The following TTLL7 variants were observed in gnomAD, a reference collection of about 807,000 sequenced individuals.
TTLL7 encodes the protein tubulin tyrosine ligase like 7.
A neutral mutation model predicts 120.2 loss-of-function variants in TTLL7; 53 were observed. The ratio of observed to expected loss-of-function variants is 0.44; its 90% confidence interval spans 0.35 to 0.55. The LOEUF is 0.55. Among genes scored for constraint, TTLL7 ranks in the 20% least tolerant of loss-of-function variants. The pLI is 0.00. For synonymous variants in TTLL7, 353 were observed against 351.7 expected (o/e 1.00, Z -0.04); for missense variants, 803 against 1,054.7 (o/e 0.76, Z 3.31).
At chr1:83,959,924 C>A (rs1240289843) in intron 1 of TTLL7, among the ~76,000 whole-genome samples, 1 of 151,930 alleles carries the variant, frequency 6.6e-6, no homozygotes, top group African/African-American at 2.4e-5. Context: ...TAATATATTT[C>A]TTATAAATTA....
At chr1:83,996,302 G>A (rs1023901269) in intron 1 of TTLL7, among the ~76,000 whole-genome samples, 5 of 152,174 alleles carry the variant, frequency 3.3e-5, no homozygotes, top group African/African-American at 9.7e-5. Flanking sequence ...TTTCCTGGAA[G>A]GGGACTCGGG....
chr1:83,939,383 CT>C (rs1647718202), intron 7 of TTLL7, among the ~76,000 whole-genome samples: 1 of 152,062 alleles, frequency 6.6e-6, no homozygotes, highest in South Asian at 2.1e-4. Flanking sequence ...ATTAATAACA[CT>C]AATAAAAACA....
intron 1 of TTLL7, among the ~76,000 whole-genome samples, chr1:83,986,647 C>A (rs1000150735): frequency 1.3e-5 from 2 of 152,148 alleles, no homozygotes; most frequent in Non-Finnish European, 1.5e-5. Context: ...GAGTTCGAGA[C>A]CAGCCTGACC....
intron 7 of TTLL7, among the ~76,000 whole-genome samples, chr1:83,941,018 C>G (rs930022210): frequency 1.3e-5 from 2 of 152,194 alleles, no homozygotes; most frequent in African/African-American, 4.8e-5. Context: ...TTTAGCCAAA[C>G]TGACCTTGTC....
At chr1:83,991,931 A>T (rs1653040416) in intron 1 of TTLL7, among the ~76,000 whole-genome samples, 4 of 152,130 alleles carry the variant, frequency 2.6e-5, no homozygotes, top group Admixed American at 1.3e-4. Context: ...TCTAAAAACA[A>T]AATTCACAGA....
intron 1 of TTLL7, among the ~76,000 whole-genome samples, chr1:83,965,194 C>A (rs994197695): frequency 3.3e-5 from 5 of 152,004 alleles, no homozygotes; most frequent in Non-Finnish European, 5.9e-5. Flanking sequence ...TGGTTTGGTT[C>A]TGTGTTCCCA....
intron 3 of TTLL7, 151 bp from the exon 4 acceptor site, chr1:83,950,137 T>C: frequency 1.4e-6 from 1 of 695,996 alleles, no homozygotes; most frequent in Non-Finnish European, 2.3e-6. Flanking sequence ...ACAACAGTTT[T>C]ATCTAGGGCC....
chr1:83,937,818 AGACTG>A lies in TTLL7; in HGVS notation c.888+29_888+33del, dbSNP rs749155295. 8.1e-6 allele frequency: 13 copies of A among 1,608,064 alleles called. 1 individual carries two copies. Among genetic ancestry groups the A allele is most frequent in the Non-Finnish European group, 1.1e-5 (13 of 1,174,918 alleles). Reference sequence around the variant, plus strand: ...AATGCTTCAAATTATTGCTGAGGAAAGACTGTTATAATTGTGGAATGGCATAATCT... The same window carrying A: ...AATGCTTCAAATTATTGCTGAGGAAATTATAATTGTGGAATGGCATAATCT... On this transcript the variant is annotated intron_variant, in intron 8 of 20. Coordinates refer to ENST00000260505, the MANE Select transcript of TTLL7 (RefSeq NM_024686.6).
intron 15 of TTLL7, among the ~76,000 whole-genome samples, chr1:83,910,146 A>G (rs1390617152): frequency 3.9e-5 from 6 of 152,180 alleles, no homozygotes; most frequent in Non-Finnish European, 8.8e-5. Flanking sequence ...AACAAAGACC[A>G]TTCCTCTAAA....
At chr1:83,987,007 T>TA (rs1215328144) in intron 1 of TTLL7, among the ~76,000 whole-genome samples, 5 of 151,870 alleles carry the variant, frequency 3.3e-5, no homozygotes, top group African/African-American at 7.2e-5. Flanking sequence ...TGTCTACATT[T>TA]AAAAAAAACC....
chr1:83,940,192 A>G (rs1452824594), intron 7 of TTLL7, among the ~76,000 whole-genome samples: 5 of 152,110 alleles, frequency 3.3e-5, no homozygotes, highest in African/African-American at 9.7e-5. Flanking sequence ...ATCCCACTGG[A>G]CTTAAGATAA....
chr1:83,899,557 T>C (rs926727742), intron 18 of TTLL7, among the ~76,000 whole-genome samples: 2 of 151,906 alleles, frequency 1.3e-5, no homozygotes, highest in Non-Finnish European at 2.9e-5. Context: ...AAAAATAGAA[T>C]TGTCTATAGA....
intron 7 of TTLL7, among the ~76,000 whole-genome samples, chr1:83,938,926 A>G: frequency 6.6e-6 from 1 of 152,254 alleles, no homozygotes; most frequent in South Asian, 2.1e-4. Context: ...TATTCATGTC[A>G]TATTTTATTT....
chr1:83,906,575 C>A, intron 16 of TTLL7, 112 bp from the exon 17 acceptor site: 2 of 1,498,830 alleles, frequency 1.3e-6, no homozygotes, highest in East Asian at 2.4e-5. Context: ...AAAACAATAA[C>A]AATGAAAAAG....
rs1375723345 is a variant in TTLL7, at chr1:83,915,259, A to AACCAAAACAGCATGGTACTGGT, written c.1587+2323_1587+2344dup. 6.6e-5 allele frequency among the ~76,000 whole-genome samples: 10 copies of AACCAAAACAGCATGGTACTGGT among 152,330 alleles called. No individual in the cohort carries two copies. The East Asian group carries it at 1.4e-3, about 21-fold the overall frequency. Reference sequence around the variant, plus strand: ...TCAAACTATACTACAAGGCTACAGTAACCAAAACAGCATGGTACTGGTACC... The same window carrying AACCAAAACAGCATGGTACTGGT: ...TCAAACTATACTACAAGGCTACAGTAACCAAAACAGCATGGTACTGGTACCAAAACAGCATGGTACTGGTACC... On this transcript the variant is annotated intron_variant, in intron 14 of 20. Transcript: ENST00000260505.
intron 7 of TTLL7, 84 bp from the exon 8 acceptor site, chr1:83,938,100 A>AT: frequency 7.7e-7 from 1 of 1,304,760 alleles, no homozygotes; most frequent in Non-Finnish European, 1.1e-6. Context: ...ACACTCAAAG[A>AT]CTAAAGAAAG....
At chr1:83,939,859 T>C (rs1647772610) in intron 7 of TTLL7, among the ~76,000 whole-genome samples, 1 of 152,332 alleles carries the variant, frequency 6.6e-6, no homozygotes, top group African/African-American at 2.4e-5. Flanking sequence ...AAAAAATATG[T>C]AGTAAGCTGC....
rs1433817652 is a variant in TTLL7 at position 83,949,908 on chromosome 1, G to T, written c.236C>A (p.Ser79Tyr). Residue 79 changes from serine (S) to tyrosine (Y), a missense_variant, in exon 4 of 21, where the codon TCT becomes TAT. This residue lies in a region of TTLL7 where 91 missense variants were observed against 96.6 expected (regional missense o/e 0.94). Transcript: ENST00000260505. The stretch of plus-strand genomic sequence containing the variant: ...TGAAATTTTCTCCTGCTGAACAGCA[G>T]AATCACACCATATAAGATTACTTGT... ...DETSNLIWCD[S>Y]AVQQEKISEL... 6.2e-7 allele frequency: 1 copy of T among 1,613,578 alleles called. No homozygotes were observed. Among genetic ancestry groups the T allele is most frequent in the Non-Finnish European group, 8.5e-7 (1 of 1,179,904 alleles).
Position 83,865,686 on chromosome 1 carries a change from C to T in TTLL7, c.*4276G>A, listed in dbSNP as rs1284253618. On this transcript the variant is annotated 3_prime_UTR_variant, in exon 21 of 21. Coordinates refer to ENST00000260505, the MANE Select transcript of TTLL7 (RefSeq NM_024686.6). ...CTTTTTTAGGCATAGAGGCTTCAACCTGGTTCTTAAAAATAATCTCAGCAG... is the reference window on the plus strand; with the variant it reads ...CTTTTTTAGGCATAGAGGCTTCAACTTGGTTCTTAAAAATAATCTCAGCAG... The T allele has an allele frequency of 6.6e-6, 1 of 151,932 alleles. No homozygotes were observed. Among genetic ancestry groups the T allele is most frequent in the Non-Finnish European group, 1.5e-5 (1 of 67,864 alleles). 9.4% of individuals were successfully genotyped at this position (151,932 alleles called of 1,614,324 possible). A position where few individuals can be genotyped will look rare whatever the true frequency, so the allele number is the denominator to read the frequency against.
Sources: allele counts gnomAD v4.1 joint callset (sites outside exome capture counted in the v4.1 genomes callset), GRCh38; gene constraint gnomAD v4.1.1; regional missense constraint gnomAD v4.1.1; transcripts MANE v1.5; gene names NCBI Gene and HGNC (gene_info 2026-07-23, HGNC 2026-07-21).